The following FAM193A variants were observed in gnomAD, a reference collection of about 807,000 sequenced individuals.
The protein encoded by FAM193A is family with sequence similarity 193 member A.
A neutral mutation model predicts 126.5 loss-of-function variants in FAM193A; 22 were observed. The observed-to-expected ratio is 0.17, with a 90% CI of 0.12 to 0.25. The LOEUF (loss-of-function observed/expected upper bound fraction) is 0.25, where lower values mean the gene tolerates loss of function less well. Among genes scored for constraint, FAM193A ranks in the 10% least tolerant of loss-of-function variants. The probability of loss-of-function intolerance (pLI) is 1.00; values close to 1 mark genes in which losing one functional copy is unlikely to be tolerated. For synonymous variants in FAM193A, 761 were observed against 646.8 expected, an observed-to-expected ratio of 1.18 and a Z score of -2.68; for missense variants, 1,675 against 1,672.8, an observed-to-expected ratio of 1.00 and a Z score of -0.02.
intron 2 of FAM193A, among the ~76,000 whole-genome samples, chr4:2,604,483 T>C (rs1221735049): frequency 2.0e-5 from 3 of 152,190 alleles, no homozygotes; most frequent in Non-Finnish European, 4.4e-5. Context: ...AAGTTTGTTT[T>C]GCTTTACATA....
At chr4:2,538,129 G>C (rs992465833) in intron 1 of FAM193A, among the ~76,000 whole-genome samples, 19 of 151,800 alleles carry the variant, frequency 1.3e-4, no homozygotes, top group Admixed American at 2.0e-4. Context: ...TAGTTTTAAA[G>C]ATATTGCAAT....
intron 2 of FAM193A, chr4:2,608,134 TC>T (rs1388729092): frequency 6.3e-7 from 1 of 1,595,628 alleles, no homozygotes; most frequent in Non-Finnish European, 8.5e-7. Flanking sequence ...TGTAGATTGA[TC>T]TTAACCTGAA....
In FAM193A at chr4:2,667,246, G is replaced by A. The variant is rs1314181414; in HGVS notation, c.2079+3958G>A. ...CTATCCAGGCTACCATGTAAGGACA[G>A]TAACCCCATTCCTGAGAGTAGAGCC... On this transcript the variant is annotated intron_variant, in intron 12 of 20. Coordinates refer to ENST00000637812, the MANE Select transcript of FAM193A (RefSeq NM_001366318.2). 6.6e-5 allele frequency among the ~76,000 whole-genome samples: 10 copies of A among 152,218 alleles called. No homozygotes were observed. In the East Asian group the frequency reaches 1.9e-3, roughly 29 times the overall value.
chr4:2,681,622 G>A (rs1715133561), intron 13 of FAM193A, among the ~76,000 whole-genome samples: 1 of 150,820 alleles, frequency 6.6e-6, no homozygotes, highest in African/African-American at 2.5e-5. Flanking sequence ...CTATCTATCT[G>A]TCTGTCTATG....
intron 20 of FAM193A, among the ~76,000 whole-genome samples, chr4:2,729,280 A>G (rs1721111512): frequency 6.6e-6 from 1 of 152,170 alleles, no homozygotes; most frequent in African/African-American, 2.4e-5. Context: ...AGATCGCCTC[A>G]GGTGAGCATG....
chr4:2,563,223 G>A (rs145381325), intron 1 of FAM193A, among the ~76,000 whole-genome samples: 4,329 of 152,304 alleles, frequency 0.028, 223 homozygotes, highest in African/African-American at 0.098. Context: ...GATTACAGGC[G>A]TGAGCCACTG....
chr4:2,586,437 T>C (rs188333896), intron 1 of FAM193A, among the ~76,000 whole-genome samples: 104 of 152,070 alleles, frequency 6.8e-4, no homozygotes, highest in African/African-American at 1.9e-3. Context: ...AGTTTTTTTT[T>C]CCCCCCGGTT....
chr4:2,651,553 G>A (rs1055793054), intron 7 of FAM193A, among the ~76,000 whole-genome samples: 7 of 152,114 alleles, frequency 4.6e-5, no homozygotes, highest in Admixed American at 3.3e-4. Context: ...GTGAGAACTC[G>A]CTATCATGAG....
At chr4:2,537,594 G>A (rs1231446194) in intron 1 of FAM193A, among the ~76,000 whole-genome samples, 1 of 152,258 alleles carries the variant, frequency 6.6e-6, no homozygotes, top group Non-Finnish European at 1.5e-5. Context: ...GCCCGCTGCG[G>A]CGGTTCCAGA....
intron 20 of FAM193A, 77 bp from the exon 21 acceptor site, chr4:2,731,698 T>G: frequency 9.4e-7 from 1 of 1,059,398 alleles, no homozygotes; most frequent in Non-Finnish European, 1.5e-6. Flanking sequence ...AGAACAGGAG[T>G]GTGATGGGCT....
At chr4:2,696,269 G>C in intron 17 of FAM193A, 94 bp from the exon 18 acceptor site, 2 of 784,690 alleles carry the variant, frequency 2.5e-6, no homozygotes, top group Non-Finnish European at 4.1e-6. Flanking sequence ...TATACTACTT[G>C]AGTAATAAAA....
intron 1 of FAM193A, among the ~76,000 whole-genome samples, chr4:2,539,397 T>C (rs542531158): frequency 1.3e-5 from 2 of 152,260 alleles, no homozygotes; most frequent in South Asian, 2.1e-4. Flanking sequence ...GACTGTGATA[T>C]TCTGTTAAAC....
intron 1 of FAM193A, among the ~76,000 whole-genome samples, chr4:2,546,495 T>A (rs1737562585): frequency 6.6e-6 from 1 of 152,212 alleles, no homozygotes; most frequent in South Asian, 2.1e-4. Context: ...ATAAGTCCTG[T>A]AAATGGACTC....
intron 19 of FAM193A, among the ~76,000 whole-genome samples, chr4:2,712,067 T>C (rs184885125): frequency 6.6e-6 from 1 of 152,352 alleles, no homozygotes; most frequent in East Asian, 1.9e-4. Flanking sequence ...TCAGAGAATA[T>C]TGCTTTTGTT....
At position 2,679,076 on chromosome 4, in the gene FAM193A, T is replaced by C. The variant is rs188050698; in HGVS notation, c.2331+6704T>C. 3.7e-3 allele frequency among the ~76,000 whole-genome samples: 563 copies of C among 152,328 alleles called. 1 individual carries two copies. The highest frequency in any genetic ancestry group is 5.9e-3 in the Non-Finnish European group (403 of 68,024). ...TTTCATATATGGCTTTTATTATGTT[T>C]TGGTAGTTTTCCTTCTATTCCTAGT... On this transcript the variant is annotated intron_variant, in intron 13 of 20. Transcript: ENST00000637812.
intron 1 of FAM193A, among the ~76,000 whole-genome samples, chr4:2,582,840 CAGG>C (rs756900682): frequency 2.0e-5 from 3 of 152,102 alleles, no homozygotes; most frequent in Non-Finnish European, 4.4e-5. Context: ...TTGTATTTCA[CAGG>C]AGGTTTCTTT....
chr4:2,560,105 C>T (rs1738519142), intron 1 of FAM193A, among the ~76,000 whole-genome samples: 1 of 152,018 alleles, frequency 6.6e-6, no homozygotes, highest in South Asian at 2.1e-4. Context: ...CCACACCCAG[C>T]TAATCTTTTG....
intron 6 of FAM193A, among the ~76,000 whole-genome samples, chr4:2,642,284 C>G (rs566602535): frequency 3.9e-4 from 59 of 152,138 alleles, no homozygotes; most frequent in Non-Finnish European, 6.8e-4. Flanking sequence ...GCCTGGGGGA[C>G]AGAGCGAGAC....
Position 2,627,385 on chromosome 4 carries a change from A to AAACAGGTGGGTTTCTTTCTCACATTT in FAM193A, c.803+808_803+809insAACAGGTGGGTTTCTTTCTCACATTT, listed in dbSNP as rs1560494614. On this transcript the variant is annotated intron_variant, in intron 4 of 20. Coordinates refer to ENST00000637812, the MANE Select transcript of FAM193A (RefSeq NM_001366318.2). ...CATGTTGGTCAGGTTGGTCTCTAAC[A>AAACAGGTGGGTTTCTTTCTCACATTT]TAATCCACCTGCCTTGACCTCCCAA... Among the ~76,000 whole-genome samples, 96 of 137,640 alleles carry AAACAGGTGGGTTTCTTTCTCACATTT rather than the reference A, an allele frequency of 7.0e-4. 2 individuals carry two copies. Among genetic ancestry groups the AAACAGGTGGGTTTCTTTCTCACATTT allele is most frequent in the South Asian group, 1.8e-3 (7 of 3,932 alleles). 90.3% of individuals were successfully genotyped at this position (137,640 alleles called of 152,430 possible). A position where few individuals can be genotyped will look rare whatever the true frequency, so the allele number is the denominator to read the frequency against.
Sources: allele counts gnomAD v4.1 joint callset (sites outside exome capture counted in the v4.1 genomes callset), GRCh38; gene constraint gnomAD v4.1.1; transcripts MANE v1.5; gene names NCBI Gene and HGNC (gene_info 2026-07-23, HGNC 2026-07-21).